Variants in HDAC9 observed in about 807,000 individuals in gnomAD.
The protein encoded by HDAC9 is MEF-2 interacting transcription repressor (MITR) protein.
Under a neutral mutation model 139.4 loss-of-function variants are expected in HDAC9, and 41 were observed. The observed-to-expected ratio is 0.29, with a 90% CI of 0.23 to 0.38. The LOEUF (loss-of-function observed/expected upper bound fraction) is 0.38, where lower values mean the gene tolerates loss of function less well. Among genes scored for constraint, HDAC9 ranks in the 10% least tolerant of loss-of-function variants. HDAC9 has a pLI of 1.00. For missense variants in HDAC9, 1,147 were observed against 1,297.0 expected (o/e 0.88, Z 1.78); for synonymous variants, 517 against 476.2 (o/e 1.09, Z -1.12).
At chr7:18,565,073 C>T (rs901074755) in intron 2 of HDAC9, among the ~76,000 whole-genome samples, 19 of 151,856 alleles carry the variant, frequency 1.3e-4, no homozygotes, top group East Asian at 9.7e-4. Flanking sequence ...TTTGGCTCAC[C>T]GCAACCTCTG....
At chr7:18,974,873 C>T (rs893389641) in intron 24 of HDAC9, among the ~76,000 whole-genome samples, 25 of 152,126 alleles carry the variant, frequency 1.6e-4, no homozygotes, top group African/African-American at 5.6e-4. Context: ...CCCAATCCAG[C>T]GTTCATCCAT....
intron 16 of HDAC9, among the ~76,000 whole-genome samples, chr7:18,782,325 A>G (rs142687417): frequency 9.9e-5 from 15 of 152,260 alleles, no homozygotes; most frequent in African/African-American, 3.4e-4. Context: ...TATTTCCACC[A>G]GGAAGCAACA....
intron 2 of HDAC9, among the ~76,000 whole-genome samples, chr7:18,170,069 C>G (rs527627609): frequency 2.0e-5 from 3 of 152,294 alleles, no homozygotes; most frequent in Non-Finnish European, 2.9e-5. Flanking sequence ...AGTTTGCACT[C>G]CCACCAACAG....
In HDAC9 at chr7:18,973,311, C is replaced by T. The variant is rs539248162; in HGVS notation, c.3023-2495C>T. Among the ~76,000 whole-genome samples, 47 of 152,232 alleles carry T rather than the reference C, an allele frequency of 3.1e-4. 1 individual carries two copies. The highest frequency in any genetic ancestry group is 1.1e-3 in the African/African-American group (47 of 41,532). ...TGTTTGTCAGAGTCCCCATGTTAGC[C>T]ACCATAGAAAACAAGAAAAGGATGT... On this transcript the variant is annotated intron_variant, in intron 24 of 25. Transcript: ENST00000686413.
chr7:18,109,152 CAG>C (rs1783435244), intron 1 of HDAC9, among the ~76,000 whole-genome samples: 1 of 152,282 alleles, frequency 6.6e-6, no homozygotes, highest in Non-Finnish European at 1.5e-5. Context: ...CATGTGGAAA[CAG>C]GGAATTTCTG....
chr7:18,957,204 T>A (rs925182900), intron 24 of HDAC9, among the ~76,000 whole-genome samples: 16 of 152,202 alleles, frequency 1.1e-4, no homozygotes, highest in South Asian at 8.3e-4. Context: ...AGAGAAAGTG[T>A]TTCAGCACTG....
In HDAC9 at chr7:18,904,572, CTTTTTTTT is replaced by C. The variant is rs71017010; in HGVS notation, c.2803+29995_2803+30002del. ...GGGGAACCCTCTACCCTCCCCATTT[CTTTTTTTT>C]TTTTTTTTTTTTTTTTTTAGATGGA... is the stretch of plus-strand genomic sequence containing the variant. On this transcript the variant is annotated intron_variant, in intron 22 of 25. Coordinates refer to ENST00000686413, the MANE Select transcript of HDAC9 (RefSeq NM_178425.4). Among the ~76,000 whole-genome samples, 63 of 71,960 alleles carry C rather than the reference CTTTTTTTT, an allele frequency of 8.8e-4. 3 individuals are homozygous for C. The South Asian group carries it at 0.039, about 45-fold the overall frequency. The allele number at this position is 71,960 out of a possible 152,430, so 47.2% of individuals were successfully genotyped here.
upstream of HDAC9, among the ~76,000 whole-genome samples, chr7:18,289,308 G>T (rs1025421985): frequency 2.6e-5 from 4 of 152,044 alleles, no homozygotes; most frequent in African/African-American, 9.7e-5. Context: ...GACTTAGGAG[G>T]TGGAAAATAA....
At chr7:18,224,856 A>G (rs891242282) in intron 2 of HDAC9, among the ~76,000 whole-genome samples, 6 of 152,182 alleles carry the variant, frequency 3.9e-5, no homozygotes. Context: ...GGTAAATAAG[A>G]ACATGAAGAA....
intron 24 of HDAC9, among the ~76,000 whole-genome samples, chr7:18,975,524 G>A (rs1355835178): frequency 1.3e-5 from 2 of 152,196 alleles, no homozygotes; most frequent in African/African-American, 4.8e-5. Context: ...TGCAGAGACA[G>A]CTGTCAGTCT....
At chr7:18,768,524 G>A (rs1170113892) in intron 16 of HDAC9, among the ~76,000 whole-genome samples, 2 of 152,134 alleles carry the variant, frequency 1.3e-5, no homozygotes, top group African/African-American at 4.8e-5. Flanking sequence ...CTGTGGAGCT[G>A]GGAGCTTGCA....
At chr7:18,313,938 A>C (rs1585128748) in intron 1 of HDAC9, among the ~76,000 whole-genome samples, 1 of 152,308 alleles carries the variant, frequency 6.6e-6, no homozygotes, top group South Asian at 2.1e-4. Flanking sequence ...GATTTCAGGG[A>C]TCTACATTGG....
intron 1 of HDAC9, among the ~76,000 whole-genome samples, chr7:18,381,198 C>CAAAA (rs60825586): frequency 4.1e-5 from 3 of 73,330 alleles, no homozygotes; most frequent in Admixed American, 2.1e-4. Flanking sequence ...GACTCTGTCT[C>CAAAA]AAAAAAAAAA....
At position 18,777,469 on chromosome 7, in the gene HDAC9, G is replaced by T. The variant is rs138791320; in HGVS notation, c.2214+10314G>T. Among the ~76,000 whole-genome samples, 416 of 151,844 alleles carry T rather than the reference G, an allele frequency of 2.7e-3. 1 individual carries two copies. Among genetic ancestry groups the T allele is most frequent in the Non-Finnish European group, 4.3e-3 (293 of 67,912 alleles). ...TGAGATTTGGGGTAACTGATTTGTT[G>T]GTCCCATTGTGTTGGTGCATAGAAT... is the stretch of plus-strand genomic sequence containing the variant. On this transcript the variant is annotated intron_variant, in intron 16 of 25. Coordinates refer to ENST00000686413, the MANE Select transcript of HDAC9 (RefSeq NM_178425.4).
At chr7:18,512,938 T>C (rs1802001850) in intron 2 of HDAC9, among the ~76,000 whole-genome samples, 2 of 152,226 alleles carry the variant, frequency 1.3e-5, no homozygotes, top group Non-Finnish European at 2.9e-5. Context: ...GGCAGGGACA[T>C]GCTCACATAG....
intron 1 of HDAC9, among the ~76,000 whole-genome samples, chr7:18,457,403 A>G (rs1159456267): frequency 6.6e-6 from 1 of 152,238 alleles, no homozygotes; most frequent in Non-Finnish European, 1.5e-5. Flanking sequence ...CAGTGAATAT[A>G]TTTGTGAAGA....
At chr7:18,512,881 A>G (rs1309910482) in intron 2 of HDAC9, among the ~76,000 whole-genome samples, 1 of 152,230 alleles carries the variant, frequency 6.6e-6, no homozygotes, top group African/African-American at 2.4e-5. Context: ...GAAGAAGCCT[A>G]GATGTCAAGT....
intron 1 of HDAC9, among the ~76,000 whole-genome samples, chr7:18,384,176 T>C (rs1246271214): frequency 1.3e-5 from 2 of 151,858 alleles, no homozygotes; most frequent in Non-Finnish European, 2.9e-5. Context: ...CCAGGTGTGG[T>C]GGTGTGTGCC....
At chr7:18,827,280 T>A (rs1455137111) in intron 17 of HDAC9, among the ~76,000 whole-genome samples, 3 of 152,134 alleles carry the variant, frequency 2.0e-5, no homozygotes, top group African/African-American at 7.2e-5. Flanking sequence ...TGGTATTTGG[T>A]TTTCCCTATT....
Sources: gnomAD v4.1 joint callset for allele counts (sites outside exome capture counted in the v4.1 genomes callset) on GRCh38, gnomAD v4.1.1 for gene constraint, MANE v1.5 for transcripts, NCBI Gene and HGNC (gene_info 2026-07-23, HGNC 2026-07-21) for gene names.